The following PDE8B variants were observed in gnomAD, a reference collection of about 807,000 sequenced individuals.
The protein encoded by PDE8B is high affinity cAMP-specific and IBMX-insensitive 3',5'-cyclic phosphodiesterase 8B.
PDE8B carries 26 observed loss-of-function variants against 101.3 expected under a neutral mutation model. The observed-to-expected ratio is 0.26, with a 90% CI of 0.19 to 0.36. The LOEUF (loss-of-function observed/expected upper bound fraction) is 0.36, where lower values mean the gene tolerates loss of function less well. Ranked by LOEUF, PDE8B falls within the 10% of genes least tolerant of loss-of-function variation. The probability of loss-of-function intolerance (pLI) is 1.00; values close to 1 mark genes in which losing one functional copy is unlikely to be tolerated. For synonymous variants in PDE8B, 424 were observed against 429.3 expected (o/e 0.99, Z 0.15); for missense variants, 810 against 1,163.1 (o/e 0.70, Z 4.42).
intron 1 of PDE8B, among the ~76,000 whole-genome samples, chr5:77,248,982 G>A (rs148973436): frequency 4.6e-5 from 7 of 152,328 alleles, no homozygotes; most frequent in African/African-American, 1.4e-4. Context: ...GCCAGACCTT[G>A]ACCTTGGACT....
intron 13 of PDE8B, among the ~76,000 whole-genome samples, chr5:77,408,594 A>T (rs1278128797): frequency 6.6e-6 from 1 of 152,096 alleles, no homozygotes; most frequent in Admixed American, 6.5e-5. Context: ...TGGAAGCGAG[A>T]GAGTGAGAGA....
At chr5:77,138,534 G>A in the PDE8B span, among the ~76,000 whole-genome samples, 1 of 152,064 alleles carries the variant, frequency 6.6e-6, no homozygotes, top group Non-Finnish European at 1.5e-5. Flanking sequence ...TTTTTAACAG[G>A]GTTTCCTTAT....
the PDE8B span, among the ~76,000 whole-genome samples, chr5:77,170,620 A>G: frequency 1.3e-5 from 2 of 152,210 alleles, no homozygotes; most frequent in Admixed American, 6.5e-5. Context: ...AATCATCGTT[A>G]TGAGTTTCTA....
intron 1 of PDE8B, among the ~76,000 whole-genome samples, chr5:77,224,415 C>T (rs776522679): frequency 3.9e-5 from 6 of 152,182 alleles, no homozygotes; most frequent in African/African-American, 7.2e-5. Flanking sequence ...CTCACGTGTA[C>T]ATCCCCCAGT....
the PDE8B span, among the ~76,000 whole-genome samples, chr5:77,093,130 A>G: frequency 6.6e-6 from 1 of 152,080 alleles, no homozygotes; most frequent in African/African-American, 2.4e-5. Context: ...GCTTTTTTCT[A>G]TTTTTGAAAG....
chr5:77,220,909 G>A (rs1005096504), intron 1 of PDE8B, among the ~76,000 whole-genome samples: 6 of 152,106 alleles, frequency 3.9e-5, no homozygotes, highest in South Asian at 2.1e-4. Context: ...AGGCACAGGC[G>A]GCTCAAGTAG....
rs530261359 is a variant in PDE8B, at chr5:77,328,909, G to A, written c.591-89G>A. On this transcript the variant is annotated intron_variant, in intron 3 of 21. Coordinates refer to ENST00000264917, the MANE Select transcript of PDE8B (RefSeq NM_003719.5). Reference sequence around the variant, plus strand: ...TTTCTTTAGAGAAAGATTTGATGTTGTATCATTTTCAGTGTGAAGAAGTTC... The same window carrying A: ...TTTCTTTAGAGAAAGATTTGATGTTATATCATTTTCAGTGTGAAGAAGTTC... 12 of 961,678 alleles carry A rather than the reference G, an allele frequency of 1.2e-5. No individual in the cohort carries two copies. The African/African-American group carries it at 1.6e-4, about 13-fold the overall frequency. 59.6% of individuals were successfully genotyped at this position (961,678 alleles called of 1,614,324 possible). A position where few individuals can be genotyped will look rare whatever the true frequency, so the allele number is the denominator to read the frequency against.
the PDE8B span, among the ~76,000 whole-genome samples, chr5:77,174,704 G>A: frequency 3.9e-4 from 60 of 152,230 alleles, no homozygotes; most frequent in African/African-American, 1.2e-3. Flanking sequence ...CCTCCGCTGC[G>A]TGACCTTGAA....
At chr5:77,139,985 A>G in the PDE8B span, 2 of 151,862 alleles carry the variant, frequency 1.3e-5, no homozygotes, top group African/African-American at 2.4e-5. Flanking sequence ...ATGGTTTGTA[A>G]TTTTTATTAT....
intron 10 of PDE8B, among the ~76,000 whole-genome samples, chr5:77,390,565 A>G (rs1398207613): frequency 6.6e-6 from 1 of 152,184 alleles, no homozygotes; most frequent in African/African-American, 2.4e-5. Flanking sequence ...CACTACAGAG[A>G]GACTGACTGG....
chr5:77,143,590 A>G, the PDE8B span, among the ~76,000 whole-genome samples: 1 of 152,218 alleles, frequency 6.6e-6, no homozygotes, highest in Non-Finnish European at 1.5e-5. Context: ...AAAGTAACTG[A>G]TGAAAGGTTT....
chr5:77,247,061 CAAAT>C (rs1214991821), intron 1 of PDE8B, among the ~76,000 whole-genome samples: 2 of 152,168 alleles, frequency 1.3e-5, no homozygotes, highest in Non-Finnish European at 2.9e-5. Context: ...ATGTAGCACA[CAAAT>C]AAGTTAATTA....
At chr5:77,302,376 G>C (rs575153271) in intron 1 of PDE8B, among the ~76,000 whole-genome samples, 42 of 152,330 alleles carry the variant, frequency 2.8e-4, no homozygotes, top group African/African-American at 8.4e-4. Flanking sequence ...GAAGGAAGGA[G>C]AGGGCATGGG....
At chr5:77,185,915 A>G in the PDE8B span, among the ~76,000 whole-genome samples, 269 of 152,346 alleles carry the variant, frequency 1.8e-3, 1 homozygote, top group African/African-American at 6.2e-3. Context: ...TCTGAAGCAG[A>G]CTGCCTGGGT....
chr5:77,265,713 G>A (rs1761550930), intron 1 of PDE8B, among the ~76,000 whole-genome samples: 1 of 152,136 alleles, frequency 6.6e-6, no homozygotes, highest in Admixed American at 6.5e-5. Flanking sequence ...TCCTATGTTT[G>A]TCATGCTAGG....
At chr5:77,260,043 A>G (rs147369142) in intron 1 of PDE8B, among the ~76,000 whole-genome samples, 1,905 of 152,096 alleles carry the variant, frequency 0.013, 27 homozygotes, top group African/African-American at 0.043. Context: ...CCATGCCTAT[A>G]ATCCCAGCTA....
intron 19 of PDE8B, among the ~76,000 whole-genome samples, chr5:77,421,580 A>T (rs1796642795): frequency 7.0e-6 from 1 of 142,412 alleles, no homozygotes; most frequent in African/African-American, 2.5e-5. Context: ...AGGGACTTTC[A>T]ACTTTCAAAC....
At chr5:77,344,176 C>T (rs919682850) in intron 6 of PDE8B, among the ~76,000 whole-genome samples, 5 of 152,266 alleles carry the variant, frequency 3.3e-5, no homozygotes, top group Non-Finnish European at 5.9e-5. Context: ...ATACATAAAC[C>T]AGTATCCTAG....
chr5:77,271,506 A>C (rs938127839), intron 1 of PDE8B, among the ~76,000 whole-genome samples: 2 of 152,230 alleles, frequency 1.3e-5, no homozygotes, highest in Non-Finnish European at 2.9e-5. Context: ...CTGTGGAATG[A>C]AGAAGGTAGT....
Sources: gnomAD v4.1 joint callset for allele counts (sites outside exome capture counted in the v4.1 genomes callset) on GRCh38, gnomAD v4.1.1 for gene constraint, MANE v1.5 for transcripts, NCBI Gene and HGNC (gene_info 2026-07-23, HGNC 2026-07-21) for gene names.